The following TTLL4 variants were observed in gnomAD, a reference collection of about 807,000 sequenced individuals.
TTLL4 encodes the protein tubulin tyrosine ligase like 4, also known as tubulin monoglutamylase TTLL4.
A neutral mutation model predicts 122.7 loss-of-function variants in TTLL4; 85 were observed. The observed-to-expected ratio is 0.69, with a 90% confidence interval of 0.58 to 0.83. The LOEUF is 0.83. Among genes scored for constraint, TTLL4 ranks in the 40% least tolerant of loss-of-function variants. The pLI, the probability that TTLL4 is intolerant of heterozygous loss-of-function variation, is 0.00. For missense variants in TTLL4, 1,363 were observed against 1,488.6 expected (o/e 0.92, Z 1.39); for synonymous variants, 553 against 563.0 (o/e 0.98, Z 0.25).
chr2:218,732,955 G>A (rs1287536938), intron 2 of TTLL4, among the ~76,000 whole-genome samples: 1 of 152,160 alleles, frequency 6.6e-6, no homozygotes, highest in Non-Finnish European at 1.5e-5. Flanking sequence ...TGATACTGTC[G>A]TGAGTGATAC....
chr2:218,727,639 G>A (rs1156624772), intron 2 of TTLL4, among the ~76,000 whole-genome samples: 2 of 152,140 alleles, frequency 1.3e-5, no homozygotes, highest in South Asian at 2.1e-4. Context: ...AGGAGGCTGA[G>A]GCTGAGGCAG....
At position 218,738,444 on chromosome 2, in the gene TTLL4, G is replaced by A. The variant is rs572723561; in HGVS notation, c.768G>A (p.Gly256=). ...KIQPVSWHHS[G]GTGDCAPQPV... The stretch of plus-strand genomic sequence containing the variant: ...AGCCTGTCTCCTGGCATCATTCAGG[G>A]GGTACTGGAGACTGTGCACCGCAGC... Residue 256 remains glycine (G), a synonymous_variant, in exon 3 of 20, where the codon GGG becomes GGA. Transcript: ENST00000392102. The A allele has an allele frequency of 1.4e-5, 23 of 1,614,070 alleles. No homozygotes were observed. Among genetic ancestry groups the A allele is most frequent in the South Asian group, 1.3e-4 (12 of 91,090 alleles).
At chr2:218,716,866 T>C (rs1046481957) in intron 1 of TTLL4, among the ~76,000 whole-genome samples, 7 of 152,178 alleles carry the variant, frequency 4.6e-5, no homozygotes, top group Admixed American at 1.3e-4. Context: ...AAAAGTATAG[T>C]GGGTAAGAAT....
At position 218,747,336 on chromosome 2, in the gene TTLL4, G is replaced by A; in HGVS notation, c.2213G>A (p.Ser738Asn). The change falls in exon 10 of 20, where the codon AGT becomes AAT. Residue 738 changes from serine (S) to asparagine (N), a missense_variant. Ser to Asn is a conservative substitution (Grantham distance 46, BLOSUM62 1). This residue lies in a region of TTLL4 where 596 missense variants were observed against 655.8 expected (regional missense o/e 0.91). Coordinates refer to ENST00000392102, the MANE Select transcript of TTLL4 (RefSeq NM_014640.5). This position sits in a 1 kb window ranked among gnomAD's most constrained non-coding sequence, Gnocchi z 4.7. ...GIGIQVIHKW[S>N]QLPKRRPLLV... is the part of the protein sequence containing the mutation. ...GGCATCCAGGTTATTCACAAGTGGA[G>A]TCAGCTCCCCAAGCGAAGGCCCCTC... 6.2e-7 allele frequency: 1 copy of A among 1,614,212 alleles called. No individual in the cohort carries two copies. The highest frequency in any genetic ancestry group is 8.5e-7 in the Non-Finnish European group (1 of 1,180,040).
At chr2:218,714,198 A>G (rs1941792952) in intron 1 of TTLL4, among the ~76,000 whole-genome samples, 1 of 152,210 alleles carries the variant, frequency 6.6e-6, no homozygotes, top group Non-Finnish European at 1.5e-5. Context: ...AACTCAGAGC[A>G]ACACCAGCAT....
intron 16 of TTLL4, among the ~76,000 whole-genome samples, chr2:218,752,512 A>C (rs1004447403): frequency 6.6e-6 from 1 of 152,126 alleles, no homozygotes. Flanking sequence ...TACCCAACAA[A>C]CTACTTAACC....
rs545023687 is a variant in TTLL4, at chr2:218,739,468, A to G, written c.1487+305A>G. Among the ~76,000 whole-genome samples the G allele has an allele frequency of 2.0e-5, 3 of 152,354 alleles. No individual in the cohort carries two copies. The East Asian group carries it at 5.8e-4, about 29-fold the overall frequency. ...TTGTGATAAACCGACTGGCCTGCAA[A>G]CAAAAATATTTACTCTCTGGTCCTT... is the stretch of plus-strand genomic sequence containing the variant. On this transcript the variant is annotated intron_variant, in intron 3 of 19. Transcript: ENST00000392102.
intron 2 of TTLL4, among the ~76,000 whole-genome samples, chr2:218,737,139 T>G (rs1942546655): frequency 6.6e-6 from 1 of 152,168 alleles, no homozygotes; most frequent in East Asian, 1.9e-4. Context: ...CTTTCAGAAT[T>G]GATTTATGAG....
Position 218,740,076 on chromosome 2 carries a change from G to A in TTLL4, c.1506G>A (p.Gln502=), listed in dbSNP as rs1444745652. ...CTTTTAGTTCAGCTACTGACCTCCAGCCAGATCAGGCTGAGACTGAAGATA... is the reference window on the plus strand; with the variant it reads ...CTTTTAGTTCAGCTACTGACCTCCAACCAGATCAGGCTGAGACTGAAGATA... ...DRDISSATDL[Q]PDQAETEDTE... is the part of the protein sequence containing the mutation. Residue 502 remains glutamine, a synonymous_variant, in exon 4 of 20, where the codon CAG becomes CAA. Coordinates refer to ENST00000392102, the MANE Select transcript of TTLL4 (RefSeq NM_014640.5). 9 of 1,614,176 alleles carry A rather than the reference G, an allele frequency of 5.6e-6. No individual in the cohort carries two copies. The highest frequency in any genetic ancestry group is 1.6e-4 in the Middle Eastern group (1 of 6,062).
intron 19 of TTLL4, 139 bp from the exon 20 acceptor site, chr2:218,753,995 G>T: frequency 2.4e-6 from 3 of 1,271,700 alleles, no homozygotes; most frequent in Admixed American, 4.4e-5. Context: ...TTTTTTTTAT[G>T]GTTATTACAT....
At chr2:218,733,326 G>A (rs975280539) in intron 2 of TTLL4, among the ~76,000 whole-genome samples, 3 of 152,126 alleles carry the variant, frequency 2.0e-5, no homozygotes, top group Admixed American at 2.0e-4. Flanking sequence ...GCATGGCTGC[G>A]GAGGCCTCAG....
chr2:218,750,113 C>T lies in TTLL4; in HGVS notation c.2840C>T (p.Ser947Phe). Reference protein sequence around the residue: ...FVLPNAEDIISSPSSCSSSTT... With the variant: ...FVLPNAEDIIFSPSSCSSSTT... ...CTGCCCAATGCAGAGGATATCATTTCCAGCCCCAGCAGCTGCAGCAGCTCC... is the reference window on the plus strand; with the variant it reads ...CTGCCCAATGCAGAGGATATCATTTTCAGCCCCAGCAGCTGCAGCAGCTCC... The change falls in exon 15 of 20, where the codon TCC becomes TTC. Residue 947 changes from serine to phenylalanine, a missense_variant. By Grantham distance (155) the Ser-to-Phe change is radical (BLOSUM62 -2). This residue lies in a region of TTLL4 where 596 missense variants were observed against 655.8 expected (regional missense o/e 0.91). Transcript: ENST00000392102. The T allele has an allele frequency of 6.2e-7, 1 of 1,613,988 alleles. No individual in the cohort carries two copies. Among genetic ancestry groups the T allele is most frequent in the Non-Finnish European group, 8.5e-7 (1 of 1,179,918 alleles).
At chr2:218,745,577 A>T in intron 6 of TTLL4, 114 bp from the exon 7 acceptor site, 1 of 735,852 alleles carries the variant, frequency 1.4e-6, no homozygotes, top group Non-Finnish European at 2.4e-6. Context: ...AGCAATAGTT[A>T]GTGACTTGCC....
intron 5 of TTLL4, among the ~76,000 whole-genome samples, chr2:218,741,263 C>T (rs1682496945): frequency 6.6e-6 from 1 of 152,180 alleles, no homozygotes; most frequent in Non-Finnish European, 1.5e-5. Flanking sequence ...TGGTGGCACA[C>T]ACCTGTAATC....
At position 218,753,294 on chromosome 2, in the gene TTLL4, G is replaced by A. The variant is rs550626847; in HGVS notation, c.3258+109G>A. ...ATGTATAGGCCTCTCTCACTTCTCC[G>A]CTAGGCTCTGCTTCTGTCTCACCAT... is the stretch of plus-strand genomic sequence containing the variant. On this transcript the variant is annotated intron_variant, in intron 18 of 19. Transcript: ENST00000392102. The A allele has an allele frequency of 1.5e-5, 17 of 1,151,742 alleles. No individual in the cohort carries two copies. In the African/African-American group the frequency reaches 1.5e-4, roughly 10 times the overall value. 71.3% of individuals were successfully genotyped at this position (1,151,742 alleles called of 1,614,324 possible).
At chr2:218,749,841 G>A (rs1942968852) in intron 14 of TTLL4, among the ~76,000 whole-genome samples, 168 bp from the exon 15 acceptor site, 2 of 152,122 alleles carry the variant, frequency 1.3e-5, no homozygotes, top group Non-Finnish European at 2.9e-5. Context: ...GTTATTCACC[G>A]TCTTTGGGGC....
intron 2 of TTLL4, among the ~76,000 whole-genome samples, chr2:218,729,002 G>A (rs1942278013): frequency 6.8e-6 from 1 of 147,892 alleles, no homozygotes; most frequent in Admixed American, 6.9e-5. Flanking sequence ...GCATGATCTC[G>A]GCTCACTGTA....
Position 218,745,688 on chromosome 2 carries a change from C to T in TTLL4, c.1787-3C>T, listed in dbSNP as rs774283379. The T allele has an allele frequency of 2.5e-6, 4 of 1,601,460 alleles. No individual in the cohort carries two copies. The African/African-American group carries it at 5.4e-5, about 21-fold the overall frequency. ...ATCCCCACACCCCTTGCATTCTTCC[C>T]AGTGGAGAAACTTCCCTGGGAACAG... is the stretch of plus-strand genomic sequence containing the variant. On this transcript the variant is annotated splice_polypyrimidine_tract_variant and splice_region_variant and intron_variant, in intron 6 of 19. Transcript: ENST00000392102.
Position 218,738,161 on chromosome 2 carries a change from C to G in TTLL4, c.485C>G (p.Ala162Gly). ...SLPVSLTANK[A>G]TSSMVFSMAQ... is the part of the protein sequence containing the mutation. ...CCTGTCAGTCTCACTGCCAACAAGG[C>G]CACTTCTTCCATGGTCTTCTCCATG... The change falls in exon 3 of 20, where the codon GCC becomes GGC. Residue 162 changes from alanine to glycine, a missense_variant. This residue lies in a region of TTLL4 where 760 missense variants were observed against 808.4 expected (regional missense o/e 0.94). Coordinates refer to ENST00000392102, the MANE Select transcript of TTLL4 (RefSeq NM_014640.5). 6.2e-7 allele frequency: 1 copy of G among 1,614,074 alleles called. No homozygotes were observed. Among genetic ancestry groups the G allele is most frequent in the Non-Finnish European group, 8.5e-7 (1 of 1,180,016 alleles).
Sources: gnomAD v4.1 joint callset for allele counts (sites outside exome capture counted in the v4.1 genomes callset) on GRCh38, gnomAD v4.1.1 for gene constraint, gnomAD v4.1.1 regional missense constraint, Gnocchi (gnomAD v3.1) non-coding constraint, MANE v1.5 for transcripts, NCBI Gene and HGNC (gene_info 2026-07-23, HGNC 2026-07-21) for gene names.